TTC3: variants seen among roughly 807,000 people sequenced by gnomAD.
The protein encoded by TTC3 is E3 ubiquitin-protein ligase TTC3.
A neutral mutation model predicts 249.6 loss-of-function variants in TTC3; 180 were observed. That is an observed-to-expected ratio of 0.72 (90% CI 0.64 to 0.82). TTC3 has a LOEUF of 0.82. Among genes scored for constraint, TTC3 ranks in the 40% least tolerant of loss-of-function variants. TTC3 has a pLI of 0.00. For synonymous variants in TTC3, 717 were observed against 805.0 expected (o/e 0.89, Z 1.85); for missense variants, 2,061 against 2,398.4 (o/e 0.86, Z 2.94).
At chr21:37,105,297 T>G (rs149091986) in intron 10 of TTC3, among the ~76,000 whole-genome samples, 33 of 152,014 alleles carry the variant, frequency 2.2e-4, no homozygotes, top group Admixed American at 1.9e-3. Context: ...CCAGGGTGAG[T>G]CTCTTTAAAT....
chr21:37,181,717 A>G (rs1438659098), intron 35 of TTC3, among the ~76,000 whole-genome samples: 3 of 152,204 alleles, frequency 2.0e-5, no homozygotes, highest in African/African-American at 7.2e-5. Flanking sequence ...CCTTTAAAAA[A>G]CATGAAAACC....
chr21:37,182,520 G>A (rs182700769), intron 35 of TTC3, among the ~76,000 whole-genome samples: 71 of 152,308 alleles, frequency 4.7e-4, no homozygotes, highest in African/African-American at 1.6e-3. Flanking sequence ...TTCTGGGCAC[G>A]TCGGAGTGGT....
chr21:37,203,049 T>A (rs1176088476), exon 46 of TTC3: 4 of 152,234 alleles, frequency 2.6e-5, no homozygotes, highest in Non-Finnish European at 5.9e-5. Flanking sequence ...CAGATACTTG[T>A]GAACATGCCT....
At chr21:37,161,514 C>T (rs1050240706) in intron 30 of TTC3, among the ~76,000 whole-genome samples, 6 of 151,886 alleles carry the variant, frequency 4.0e-5, no homozygotes, top group Non-Finnish European at 7.4e-5. Flanking sequence ...TGCGTTCAAG[C>T]GATCTGCCTA....
intron 11 of TTC3, among the ~76,000 whole-genome samples, chr21:37,112,452 A>G (rs2075757553): frequency 6.6e-6 from 1 of 152,228 alleles, no homozygotes; most frequent in Non-Finnish European, 1.5e-5. Flanking sequence ...AGAAATGGAT[A>G]AATTCCTCGA....
intron 11 of TTC3, among the ~76,000 whole-genome samples, chr21:37,116,036 A>G (rs1315893127): frequency 6.6e-6 from 1 of 152,146 alleles, no homozygotes; most frequent in Non-Finnish European, 1.5e-5. Flanking sequence ...TATAGTGGCT[A>G]TTGTGTGTCT....
At chr21:37,188,329 A>G (rs2083544657) in intron 38 of TTC3, 166 bp from the exon 39 acceptor site, 1 of 544,846 alleles carries the variant, frequency 1.8e-6, no homozygotes, top group East Asian at 3.1e-5. Context: ...TTCAAATCTC[A>G]AAGTCTAATT....
chr21:37,164,523 G>C (rs1017921816), intron 32 of TTC3, among the ~76,000 whole-genome samples: 4 of 44 alleles, frequency 0.091, no homozygotes, highest in Non-Finnish European at 0.13. Context: ...ATTTTTAGTA[G>C]AGAAGGGTTT....
At chr21:37,136,150 C>T (rs1484918029) in intron 18 of TTC3, among the ~76,000 whole-genome samples, 1 of 152,170 alleles carries the variant, frequency 6.6e-6, no homozygotes, top group Non-Finnish European at 1.5e-5. Flanking sequence ...TCTCCACCCC[C>T]TTCCTTAAGT....
chr21:37,126,799 C>T (rs763115800), intron 15 of TTC3, among the ~76,000 whole-genome samples: 1 of 151,952 alleles, frequency 6.6e-6, no homozygotes, highest in Non-Finnish European at 1.5e-5. Flanking sequence ...ATCTTTTTGC[C>T]GTGTTCTCAT....
chr21:37,152,515 T>C (rs2079575026), intron 26 of TTC3, among the ~76,000 whole-genome samples: 2 of 151,664 alleles, frequency 1.3e-5, no homozygotes, highest in African/African-American at 4.8e-5. Flanking sequence ...GCCTCCCCAG[T>C]AGCTGGAACT....
intron 34 of TTC3, among the ~76,000 whole-genome samples, chr21:37,171,783 C>T (rs1389212362): frequency 6.6e-6 from 1 of 152,202 alleles, no homozygotes; most frequent in Non-Finnish European, 1.5e-5. Context: ...ATTCACAGTT[C>T]TCCAACTGAT....
At chr21:37,176,107 G>A (rs2082263027) in intron 35 of TTC3, among the ~76,000 whole-genome samples, 1 of 152,192 alleles carries the variant, frequency 6.6e-6, no homozygotes. Flanking sequence ...CTTTTTTAAA[G>A]CCAGAATCTC....
chr21:37,088,159 G>T, intron 3 of TTC3, 37 bp from the exon 4 acceptor site: 5 of 1,476,720 alleles, frequency 3.4e-6, no homozygotes, highest in Admixed American at 2.4e-5. Flanking sequence ...AAAAAATGAG[G>T]CACAAACATT....
At chr21:37,124,848 CT>C in intron 14 of TTC3, 106 bp downstream of exon 14, 4 of 1,106,142 alleles carry the variant, frequency 3.6e-6, no homozygotes, top group Non-Finnish European at 3.9e-6. Flanking sequence ...GATTTGAACC[CT>C]TTTTGCCTAT....
At chr21:37,167,479 A>G in intron 33 of TTC3, 76 bp from the exon 34 acceptor site, 1 of 1,118,570 alleles carries the variant, frequency 8.9e-7, no homozygotes. Context: ...TGTGTTTTAA[A>G]GTGTTACTAC....
chr21:37,143,932 T>C (rs1156408267), intron 20 of TTC3, among the ~76,000 whole-genome samples: 2 of 147,502 alleles, frequency 1.4e-5, no homozygotes, highest in African/African-American at 2.5e-5. Context: ...GATGAGTTCA[T>C]GTCCTTTGTA....
intron 15 of TTC3, among the ~76,000 whole-genome samples, chr21:37,128,099 C>G (rs138819039): frequency 1.1e-3 from 163 of 152,316 alleles, no homozygotes; most frequent in African/African-American, 3.6e-3. Flanking sequence ...GGAAATCAAA[C>G]TAGAATTCTT....
chr21:37,105,251 C>T (rs2074963306), intron 10 of TTC3, among the ~76,000 whole-genome samples: 1 of 152,038 alleles, frequency 6.6e-6, no homozygotes, highest in Non-Finnish European at 1.5e-5. Flanking sequence ...AGACAGCTAG[C>T]GTAGGCAGCT....
Sources: allele counts gnomAD v4.1 joint callset (sites outside exome capture counted in the v4.1 genomes callset), GRCh38; gene constraint gnomAD v4.1.1; transcripts MANE v1.5; gene names NCBI Gene and HGNC (gene_info 2026-07-23, HGNC 2026-07-21).